The following MAST4 variants were observed in gnomAD, a reference collection of about 807,000 sequenced individuals.
The protein encoded by MAST4 is microtubule-associated serine/threonine-protein kinase 4.
Under a neutral mutation model 162.7 loss-of-function variants are expected in MAST4, and 89 were observed. The ratio of observed to expected loss-of-function variants is 0.55; its 90% CI spans 0.46 to 0.65. The LOEUF is 0.65. MAST4 is among the 30% of genes least tolerant of loss of function. MAST4 has a pLI of 0.00. For synonymous variants in MAST4, 1,479 were observed against 1,361.1 expected (o/e 1.09, Z -1.91); for missense variants, 3,153 against 3,374.0 (o/e 0.93, Z 1.62).
chr5:66,868,038 C>G (rs918865619), intron 3 of MAST4, among the ~76,000 whole-genome samples: 1 of 152,200 alleles, frequency 6.6e-6, no homozygotes, highest in African/African-American at 2.4e-5. Context: ...TTCCTGAACA[C>G]AGAAAGCTAT....
chr5:67,063,787 TC>T (rs1324625215), intron 5 of MAST4, among the ~76,000 whole-genome samples: 2 of 152,152 alleles, frequency 1.3e-5, no homozygotes, highest in Non-Finnish European at 2.9e-5. Context: ...GTTGCTGAAG[TC>T]CCAGCTGGAT....
intron 1 of MAST4, among the ~76,000 whole-genome samples, chr5:66,704,492 C>CTTTTTTTTTTTTTTTTTTTTTTT (rs1172510331): frequency 1.0e-5 from 1 of 97,354 alleles, no homozygotes; most frequent in Non-Finnish European, 1.9e-5. Flanking sequence ...GCTTGTTGTT[C>CTTTTTTTTTTTTTTTTTTTTTTT]TTTTTTTTTT....
intron 5 of MAST4, among the ~76,000 whole-genome samples, chr5:67,088,073 C>T (rs767163096): frequency 2.6e-5 from 4 of 152,140 alleles, no homozygotes; most frequent in Non-Finnish European, 5.9e-5. Flanking sequence ...CCCATTCATC[C>T]TGAAGATGAA....
chr5:67,144,031 G>C (rs1049464167), intron 21 of MAST4, among the ~76,000 whole-genome samples: 1 of 151,762 alleles, frequency 6.6e-6, no homozygotes, highest in African/African-American at 2.4e-5. Flanking sequence ...GAGATTCACA[G>C]ATAGCTGAGA....
At chr5:66,716,187 A>T (rs1255493211) in intron 1 of MAST4, among the ~76,000 whole-genome samples, 1 of 152,202 alleles carries the variant, frequency 6.6e-6, no homozygotes, top group African/African-American at 2.4e-5. Flanking sequence ...AAGGTTGTTC[A>T]TGTATTTTAA....
intron 4 of MAST4, among the ~76,000 whole-genome samples, chr5:67,024,487 A>ACATTCATATATATATATGAATGTG: frequency 6.9e-6 from 1 of 145,160 alleles, no homozygotes; most frequent in East Asian, 2.0e-4. Context: ...AGATATATAC[A>ACATTCATATATATATATGAATGTG]TATCTATATA....
intron 1 of MAST4, among the ~76,000 whole-genome samples, chr5:66,656,845 TGGAAA>T (rs1346251432): frequency 6.6e-6 from 1 of 152,194 alleles, no homozygotes; most frequent in African/African-American, 2.4e-5. Flanking sequence ...TCTAGTGCCT[TGGAAA>T]GGAAAAACAC....
intron 4 of MAST4, among the ~76,000 whole-genome samples, chr5:66,944,998 C>G (rs1216044427): frequency 1.3e-5 from 2 of 152,136 alleles, no homozygotes; most frequent in Non-Finnish European, 2.9e-5. Context: ...GATCTGCCCA[C>G]AGTTCACAGG....
At chr5:67,138,354 G>A (rs1769931831) in intron 19 of MAST4, among the ~76,000 whole-genome samples, 1 of 152,096 alleles carries the variant, frequency 6.6e-6, no homozygotes, top group African/African-American at 2.4e-5. Flanking sequence ...ATTCTGTTAT[G>A]AATGCGTACT....
intron 1 of MAST4, among the ~76,000 whole-genome samples, chr5:66,700,045 G>A (rs892447881): frequency 7.4e-6 from 1 of 135,986 alleles, no homozygotes. Context: ...TGCTATTACC[G>A]ACATTTTTGG....
At chr5:67,120,981 T>C in intron 13 of MAST4, 36 bp from the exon 14 acceptor site, 1 of 1,448,546 alleles carries the variant, frequency 6.9e-7, no homozygotes, top group Non-Finnish European at 9.5e-7. Context: ...TTCTTAAATC[T>C]AAACTACTTT....
intron 1 of MAST4, among the ~76,000 whole-genome samples, chr5:66,706,879 T>C (rs1380827642): frequency 1.3e-5 from 2 of 152,250 alleles, no homozygotes; most frequent in Non-Finnish European, 2.9e-5. Flanking sequence ...TTAATAATAA[T>C]AATTTCTTCA....
At chr5:67,151,885 A>G (rs1173422202) in intron 24 of MAST4, among the ~76,000 whole-genome samples, 1 of 149,296 alleles carries the variant, frequency 6.7e-6, no homozygotes, top group African/African-American at 2.5e-5. Context: ...CTCTCACCTC[A>G]GTCTCCCACG....
rs183156780 is a variant in MAST4 at position 66,995,347 on chromosome 5, C to T, written c.675-59057C>T. On this transcript the variant is annotated intron_variant, in intron 4 of 28. Coordinates refer to ENST00000403625, the MANE Select transcript of MAST4 (RefSeq NM_001164664.2). The stretch of plus-strand genomic sequence containing the variant: ...ATTCTAAAATTCTCAGGAACTTGAA[C>T]TTTCAGGTCATGATAATAGGACTGT... Among the ~76,000 whole-genome samples the T allele has an allele frequency of 9.5e-4, 145 of 152,222 alleles. 1 individual carries two copies. The highest frequency in any genetic ancestry group is 1.5e-3 in the South Asian group (7 of 4,826).
intron 4 of MAST4, among the ~76,000 whole-genome samples, chr5:66,923,731 C>T (rs904927898): frequency 6.6e-6 from 1 of 152,184 alleles, no homozygotes; most frequent in African/African-American, 2.4e-5. Flanking sequence ...TAGAAATCAT[C>T]CTGCCTGTGT....
At chr5:67,057,928 G>A (rs1473142501) in intron 5 of MAST4, among the ~76,000 whole-genome samples, 3 of 147,242 alleles carry the variant, frequency 2.0e-5, no homozygotes, top group Non-Finnish European at 4.5e-5. Context: ...GAAATGATAT[G>A]TCATTGCAAT....
intron 12 of MAST4, among the ~76,000 whole-genome samples, chr5:67,117,561 AT>A (rs1767065522): frequency 6.6e-6 from 1 of 151,714 alleles, no homozygotes; most frequent in Non-Finnish European, 1.5e-5. Context: ...AAAATTGAAA[AT>A]TTTAAATATA....
intron 5 of MAST4, among the ~76,000 whole-genome samples, chr5:67,060,848 G>A (rs994662575): frequency 2.6e-5 from 4 of 152,120 alleles, no homozygotes; most frequent in East Asian, 1.9e-4. Flanking sequence ...TAGTTGGGCC[G>A]TAAGGGATTT....
intron 4 of MAST4, among the ~76,000 whole-genome samples, chr5:66,934,404 T>C (rs896869877): frequency 1.3e-5 from 2 of 152,088 alleles, no homozygotes; most frequent in Admixed American, 6.6e-5. Context: ...CTCAGGGAAA[T>C]TGAAGTAGTA....
Sources: gnomAD v4.1 joint callset for allele counts (sites outside exome capture counted in the v4.1 genomes callset) on GRCh38, gnomAD v4.1.1 for gene constraint, MANE v1.5 for transcripts, NCBI Gene and HGNC (gene_info 2026-07-23, HGNC 2026-07-21) for gene names.